Variants in KIRREL3 observed in about 807,000 individuals in gnomAD.
KIRREL3 encodes the protein kin of IRRE-like protein 3.
Under a neutral mutation model 89.7 loss-of-function variants are expected in KIRREL3, and 36 were observed. That is an observed-to-expected ratio of 0.40 (90% CI 0.31 to 0.53). KIRREL3 has a LOEUF of 0.53. Among genes scored for constraint, KIRREL3 ranks in the 20% least tolerant of loss-of-function variants. KIRREL3 has a pLI of 0.49. For synonymous variants in KIRREL3, 445 were observed against 441.4 expected (o/e 1.01, Z -0.10); for missense variants, 864 against 1,056.6 (o/e 0.82, Z 2.53).
In KIRREL3 at chr11:126,490,216, GT is replaced by G. The variant is rs1486151814; in HGVS notation, c.434-16751del. Among the ~76,000 whole-genome samples, 11 of 147,076 alleles carry G rather than the reference GT, an allele frequency of 7.5e-5. No homozygotes were observed. Among genetic ancestry groups the G allele is most frequent in the Non-Finnish European group, 1.1e-4 (7 of 66,628 alleles). ...TGGAATGCATTGTGTGTGTGTGTGT[GT>G]GTGTGTGTGTGTGGCGGGGGCGGGG... On this transcript the variant is annotated intron_variant, in intron 4 of 16. Coordinates refer to ENST00000525144, the MANE Select transcript of KIRREL3 (RefSeq NM_032531.4). This position sits in a 1 kb window ranked among gnomAD's most constrained non-coding sequence, Gnocchi z 4.2.
At chr11:126,613,074 T>G (rs577031268) in intron 1 of KIRREL3, among the ~76,000 whole-genome samples, 24 of 152,018 alleles carry the variant, frequency 1.6e-4, no homozygotes, top group African/African-American at 5.8e-4. Flanking sequence ...TTCTGAGGAG[T>G]TTTTATTTGA....
Position 126,841,375 on chromosome 11 carries a change from T to C in KIRREL3, c.55+159080A>G, listed in dbSNP as rs185957959. On this transcript the variant is annotated intron_variant, in intron 1 of 16. Transcript: ENST00000525144. ...GTTGGAAGCCCCAGGAGGGCAAGGC[T>C]TATGTCTGCTTCTTCTCCACATATC... Among the ~76,000 whole-genome samples the C allele has an allele frequency of 9.6e-4, 146 of 152,318 alleles. 2 individuals carry two copies. Among genetic ancestry groups the C allele is most frequent in the African/African-American group, 3.1e-3 (128 of 41,558 alleles).
Position 126,970,492 on chromosome 11 carries a change from C to T in KIRREL3, c.55+29963G>A, listed in dbSNP as rs926066172. Reference sequence around the variant, plus strand: ...CCAGTACCATCAATCTTTAAAACCCCTACAGTGCCCTGTCAACCCCACAGA... The same window carrying T: ...CCAGTACCATCAATCTTTAAAACCCTTACAGTGCCCTGTCAACCCCACAGA... On this transcript the variant is annotated intron_variant, in intron 1 of 16. Transcript: ENST00000525144. This position sits in a 1 kb window ranked among gnomAD's most constrained non-coding sequence, Gnocchi z 4.4. Among the ~76,000 whole-genome samples, 2 of 152,188 alleles carry T rather than the reference C, an allele frequency of 1.3e-5. No individual in the cohort carries two copies. The highest frequency in any genetic ancestry group is 3.9e-4 in the East Asian group (2 of 5,192).
intron 7 of KIRREL3, among the ~76,000 whole-genome samples, chr11:126,451,572 A>G (rs1263452316): frequency 2.9e-5 from 4 of 136,192 alleles, no homozygotes; most frequent in Non-Finnish European, 4.7e-5. Context: ...GATCATGTGC[A>G]TGTGTGTGTG....
intron 1 of KIRREL3, among the ~76,000 whole-genome samples, chr11:126,810,934 T>G (rs1951364265): frequency 6.6e-6 from 1 of 152,104 alleles, no homozygotes; most frequent in Non-Finnish European, 1.5e-5. Flanking sequence ...CTGACAGCTG[T>G]GGGTGTGTGT....
At chr11:126,852,211 G>T (rs1166442700) in intron 1 of KIRREL3, among the ~76,000 whole-genome samples, 1 of 151,896 alleles carries the variant, frequency 6.6e-6, no homozygotes, top group African/African-American at 2.4e-5. Flanking sequence ...GTGCCACCAC[G>T]CCCAGCTAAT....
chr11:126,713,779 G>A lies in KIRREL3; in HGVS notation c.56-150867C>T, dbSNP rs555808238. Among the ~76,000 whole-genome samples, 14 of 152,290 alleles carry A rather than the reference G, an allele frequency of 9.2e-5. No individual in the cohort carries two copies. In the South Asian group the frequency reaches 2.9e-3, roughly 32 times the overall value. On this transcript the variant is annotated intron_variant, in intron 1 of 16. Transcript: ENST00000525144. ...GGCCAGAAGTGGGCGAGACCTCCTT[G>A]AAGAGGTGATGTTCAACCTGAGGCT...
rs766671055 is a variant in KIRREL3, at chr11:126,639,050, G to A, written c.56-76138C>T. Among the ~76,000 whole-genome samples, 39 of 151,794 alleles carry A rather than the reference G, an allele frequency of 2.6e-4. No homozygotes were observed. Among genetic ancestry groups the A allele is most frequent in the Non-Finnish European group, 4.3e-4 (29 of 67,998 alleles). Reference sequence around the variant, plus strand: ...TTTGAAAGGCATCTCTATTTATCTCGCTGGTGTTTCTCAGTCCTGGGCTGC... The same window carrying A: ...TTTGAAAGGCATCTCTATTTATCTCACTGGTGTTTCTCAGTCCTGGGCTGC... On this transcript the variant is annotated intron_variant, in intron 1 of 16. Coordinates refer to ENST00000525144, the MANE Select transcript of KIRREL3 (RefSeq NM_032531.4). This position sits in a 1 kb window ranked among gnomAD's most constrained non-coding sequence, Gnocchi z 4.3.
chr11:126,936,458 T>G (rs1298070494), intron 1 of KIRREL3: 4 of 151,610 alleles, frequency 2.6e-5, no homozygotes, highest in Non-Finnish European at 5.9e-5. Flanking sequence ...GCAGCATTAT[T>G]CATAACAGCA....
intron 1 of KIRREL3, among the ~76,000 whole-genome samples, chr11:126,863,328 T>C (rs1944765244): frequency 6.6e-6 from 1 of 150,644 alleles, no homozygotes; most frequent in South Asian, 2.1e-4. Flanking sequence ...AGTATGAATA[T>C]GTGGGGAGGT....
chr11:126,613,261 A>G (rs368620807), intron 1 of KIRREL3, among the ~76,000 whole-genome samples: 3 of 152,178 alleles, frequency 2.0e-5, no homozygotes, highest in African/African-American at 4.8e-5. Flanking sequence ...TGGATCCCAA[A>G]GTTCGTGATT....
In KIRREL3 at chr11:126,755,229, A is replaced by C. The variant is rs945341173; in HGVS notation, c.56-192317T>G. On this transcript the variant is annotated intron_variant, in intron 1 of 16. Transcript: ENST00000525144. The surrounding 1 kb of genome is among the most constrained non-coding windows in gnomAD (Gnocchi z 4.3). ...ACCAGAGGGAAAAAAATGTATTCCC[A>C]TCCGAGGCCCTTGCCTGCCCTCCTG... Among the ~76,000 whole-genome samples, 1 of 152,212 alleles carries C rather than the reference A, an allele frequency of 6.6e-6. No homozygotes were observed. The highest frequency in any genetic ancestry group is 1.5e-5 in the Non-Finnish European group (1 of 68,030).
chr11:126,948,647 TG>T lies in KIRREL3; in HGVS notation c.55+51807del, dbSNP rs1646254331. ...TCAGAGCTTGACCAGTGCTCTTTTT[TG>T]CTTTCTTCAAAATCTGGCTAGGATT... On this transcript the variant is annotated intron_variant, in intron 1 of 16. Transcript: ENST00000525144. The surrounding 1 kb of genome is among the most constrained non-coding windows in gnomAD (Gnocchi z 4.5). 6.6e-6 allele frequency among the ~76,000 whole-genome samples: 1 copy of T among 152,254 alleles called. No individual in the cohort carries two copies. The highest frequency in any genetic ancestry group is 2.4e-5 in the African/African-American group (1 of 41,472).
At chr11:126,950,768 G>C (rs1948753573) in intron 1 of KIRREL3, among the ~76,000 whole-genome samples, 1 of 152,188 alleles carries the variant, frequency 6.6e-6, no homozygotes, top group Admixed American at 6.5e-5. Context: ...TGGAATGCTA[G>C]AACAGCTTCT....
At chr11:126,457,820 C>T (rs57716161) in intron 6 of KIRREL3, among the ~76,000 whole-genome samples, 14,845 of 151,976 alleles carry the variant, frequency 0.098, 911 homozygotes, top group East Asian at 0.25. Context: ...AGTCAAACAA[C>T]GAGGAAAAGA....
chr11:126,528,904 A>G lies in KIRREL3; in HGVS notation c.134-2217T>C, dbSNP rs1958851444. ...CTCCTTCTCTGGCTCCTTTTACTCT[A>G]ATGATGATTTCACAGCTCATCCTTT... On this transcript the variant is annotated intron_variant, in intron 2 of 16. Transcript: ENST00000525144. The surrounding 1 kb of genome is among the most constrained non-coding windows in gnomAD (Gnocchi z 4.6). Among the ~76,000 whole-genome samples the G allele has an allele frequency of 3.3e-5, 5 of 152,008 alleles. No individual in the cohort carries two copies. The highest frequency in any genetic ancestry group is 3.3e-4 in the Admixed American group (5 of 15,252).
At chr11:126,597,308 T>C in intron 1 of KIRREL3, among the ~76,000 whole-genome samples, 1 of 152,234 alleles carries the variant, frequency 6.6e-6, no homozygotes, top group Non-Finnish European at 1.5e-5. Context: ...AGTAGCCCGC[T>C]GCAAGCTGAC....
At chr11:126,425,561 A>C in intron 16 of KIRREL3, 77 bp downstream of exon 16, 5 of 1,241,084 alleles carry the variant, frequency 4.0e-6, no homozygotes, top group African/African-American at 1.5e-5. Context: ...CATTTGTTGT[A>C]TAGATTTGGG....
rs1052246143 is a variant in KIRREL3 at position 126,535,366 on chromosome 11, C to T, written c.134-8679G>A. Among the ~76,000 whole-genome samples, 5 of 152,160 alleles carry T rather than the reference C, an allele frequency of 3.3e-5. No homozygotes were observed. Among genetic ancestry groups the T allele is most frequent in the Non-Finnish European group, 5.9e-5 (4 of 68,034 alleles). On this transcript the variant is annotated intron_variant, in intron 2 of 16. Transcript: ENST00000525144. The surrounding 1 kb of genome is among the most constrained non-coding windows in gnomAD (Gnocchi z 4.5). Reference sequence around the variant, plus strand: ...ACCATCACCATCTGGCTCCCAAAGTCCCCACCAACTTCCAGTGAAACATTG... The same window carrying T: ...ACCATCACCATCTGGCTCCCAAAGTTCCCACCAACTTCCAGTGAAACATTG...
Sources: gnomAD v4.1 joint callset for allele counts (sites outside exome capture counted in the v4.1 genomes callset) on GRCh38, gnomAD v4.1.1 for gene constraint, Gnocchi (gnomAD v3.1) non-coding constraint, MANE v1.5 for transcripts, NCBI Gene and HGNC (gene_info 2026-07-23, HGNC 2026-07-21) for gene names.